Variants in FARP1 observed in about 807,000 individuals in gnomAD.
The protein encoded by FARP1 is FERM, ARH/RhoGEF and pleckstrin domain protein 1.
FARP1 carries 52 observed loss-of-function variants against 128.8 expected under a neutral mutation model. That is an observed-to-expected ratio of 0.40 (90% CI 0.32 to 0.51). The LOEUF (loss-of-function observed/expected upper bound fraction) is 0.51. FARP1 is among the 20% of genes least tolerant of loss of function. The pLI is 0.45. For synonymous variants in FARP1, 580 were observed against 551.8 expected, an observed-to-expected ratio of 1.05 and a Z score of -0.72; for missense variants, 1,333 against 1,367.9, an observed-to-expected ratio of 0.97 and a Z score of 0.40.
At chr13:98,433,077 G>A (rs892098177) in intron 18 of FARP1, 2 of 152,292 alleles carry the variant, frequency 1.3e-5, no homozygotes, top group African/African-American at 4.8e-5. Context: ...AGGTTCAGAG[G>A]GGACAGAGAC....
At chr13:98,378,562 A>G (rs1889691170) in intron 6 of FARP1, among the ~76,000 whole-genome samples, 1 of 152,190 alleles carries the variant, frequency 6.6e-6, no homozygotes, top group Admixed American at 6.5e-5. Context: ...TTAATGTATA[A>G]TAAGCACTAC....
chr13:98,278,168 A>AGTGTGTGTGTGTGTGT (rs1291047216), intron 2 of FARP1, among the ~76,000 whole-genome samples: 4 of 131,588 alleles, frequency 3.0e-5, no homozygotes, highest in African/African-American at 8.8e-5. Flanking sequence ...TGTATGAGTG[A>AGTGTGTGTGTGTGTGT]GTGAGTGTGT....
intron 1 of FARP1, among the ~76,000 whole-genome samples, chr13:98,145,642 G>A (rs371848271): frequency 1.1e-3 from 166 of 152,180 alleles, no homozygotes; most frequent in African/African-American, 3.7e-3. Context: ...AGACCGAGGC[G>A]GATCACTTGA....
chr13:98,279,679 A>T (rs1884839417), intron 2 of FARP1, among the ~76,000 whole-genome samples: 1 of 152,214 alleles, frequency 6.6e-6, no homozygotes, highest in Non-Finnish European at 1.5e-5. Context: ...GGGCCCCTGC[A>T]GCAGAGTGAC....
chr13:98,200,387 A>ACCCCCCCCCCCCCCCCCC (rs34861204), intron 1 of FARP1, among the ~76,000 whole-genome samples: 3 of 127,536 alleles, frequency 2.4e-5, no homozygotes, highest in African/African-American at 6.1e-5. Context: ...TGCAACCTTC[A>ACCCCCCCCCCCCCCCCCC]CCCCCCCCCC....
At chr13:98,355,391 G>A (rs1888600092) in intron 3 of FARP1, among the ~76,000 whole-genome samples, 1 of 152,084 alleles carries the variant, frequency 6.6e-6, no homozygotes, top group South Asian at 2.1e-4. Flanking sequence ...GTATATGAAT[G>A]TTTATATTCA....
intron 12 of FARP1, among the ~76,000 whole-genome samples, chr13:98,394,140 C>T (rs958416623): frequency 6.6e-6 from 1 of 152,158 alleles, no homozygotes; most frequent in Admixed American, 6.5e-5. Flanking sequence ...CAGAACTGGT[C>T]GGCGAGTTCC....
rs968724553 is a variant in FARP1, at chr13:98,452,937, A to C, written c.*4620A>C. 2 of 432,064 alleles carry C rather than the reference A, an allele frequency of 4.6e-6. No individual in the cohort carries two copies. The highest frequency in any genetic ancestry group is 8.2e-6 in the Non-Finnish European group (2 of 245,058). 26.8% of individuals were successfully genotyped at this position (432,064 alleles called of 1,614,324 possible). A position where few individuals can be genotyped will look rare whatever the true frequency, so the allele number is the denominator to read the frequency against. ...GTTAAAATTAAAAACAAAAGTAATA[A>C]AATAAAATAAAATGATCGCTGGAAG... On this transcript the variant is annotated 3_prime_UTR_variant, in exon 27 of 27. Coordinates refer to ENST00000319562, the MANE Select transcript of FARP1 (RefSeq NM_005766.4).
intron 2 of FARP1, among the ~76,000 whole-genome samples, chr13:98,217,638 A>G (rs768166293): frequency 1.6e-4 from 24 of 152,252 alleles, no homozygotes; most frequent in Non-Finnish European, 3.2e-4. Flanking sequence ...GGCCCTGTAC[A>G]CCGGGAGGTG....
chr13:98,388,375 CT>C lies in FARP1; in HGVS notation c.760-3del. On this transcript the variant is annotated splice_region_variant and splice_polypyrimidine_tract_variant and intron_variant, in intron 8 of 26. Coordinates refer to ENST00000319562, the MANE Select transcript of FARP1 (RefSeq NM_005766.4). ...TTCCTGGCTCACTGCTACTGTCTTTCTTTTTAGGGTTTCACTAAGATCAATG... is the reference window on the plus strand; with the variant it reads ...TTCCTGGCTCACTGCTACTGTCTTTCTTTTAGGGTTTCACTAAGATCAATG... 1 of 1,610,802 alleles carries C rather than the reference CT, an allele frequency of 6.2e-7. No individual in the cohort carries two copies. Among genetic ancestry groups the C allele is most frequent in the South Asian group, 1.1e-5 (1 of 91,004 alleles).
At chr13:98,321,006 A>G (rs1886969948) in intron 2 of FARP1, among the ~76,000 whole-genome samples, 1 of 152,200 alleles carries the variant, frequency 6.6e-6, no homozygotes, top group Non-Finnish European at 1.5e-5. Context: ...TCTGTGACTC[A>G]CGAACTGGGA....
chr13:98,438,033 G>A (rs1254628683), intron 19 of FARP1, among the ~76,000 whole-genome samples: 1 of 152,136 alleles, frequency 6.6e-6, no homozygotes, highest in Non-Finnish European at 1.5e-5. Context: ...GGCGATGGTG[G>A]GGCTACCTTG....
chr13:98,453,439 G>A lies in FARP1; in HGVS notation c.*5122G>A. On this transcript the variant is annotated 3_prime_UTR_variant, in exon 27 of 27. Transcript: ENST00000319562. ...AGCATGTCACCAAAAACCAAGAATGGGTTCAGCCTCCCTGGAGAGATGTGA... is the reference window on the plus strand; with the variant it reads ...AGCATGTCACCAAAAACCAAGAATGAGTTCAGCCTCCCTGGAGAGATGTGA... The A allele has an allele frequency of 1.7e-5, 9 of 545,028 alleles. No homozygotes were observed. Among genetic ancestry groups the A allele is most frequent in the Non-Finnish European group, 2.9e-5 (9 of 311,524 alleles). 33.8% of individuals were successfully genotyped at this position (545,028 alleles called of 1,614,324 possible).
At chr13:98,146,525 G>A (rs905994448) in intron 1 of FARP1, among the ~76,000 whole-genome samples, 1 of 152,210 alleles carries the variant, frequency 6.6e-6, no homozygotes, top group African/African-American at 2.4e-5. Flanking sequence ...ACAGAGCCTG[G>A]CCTTGCCTGA....
chr13:98,224,530 A>AG (rs1881629387), intron 2 of FARP1, among the ~76,000 whole-genome samples: 2 of 45,674 alleles, frequency 4.4e-5, no homozygotes, highest in African/African-American at 1.1e-4. Flanking sequence ...CTGTCTCAAA[A>AG]AAAAAAAAAA....
intron 2 of FARP1, among the ~76,000 whole-genome samples, chr13:98,282,919 T>A (rs1055185606): frequency 9.9e-5 from 15 of 151,980 alleles, no homozygotes; most frequent in African/African-American, 2.9e-4. Flanking sequence ...TAAAAAAAAA[T>A]AAAAAATTTT....
chr13:98,272,236 G>A (rs1233498436), intron 2 of FARP1, among the ~76,000 whole-genome samples: 1 of 151,980 alleles, frequency 6.6e-6, no homozygotes, highest in Non-Finnish European at 1.5e-5. Flanking sequence ...CACCATGTTG[G>A]CCAGGCTTGC....
chr13:98,300,275 C>T (rs1407075353), intron 2 of FARP1, among the ~76,000 whole-genome samples: 1 of 152,204 alleles, frequency 6.6e-6, no homozygotes, highest in Non-Finnish European at 1.5e-5. Flanking sequence ...GACAGGCTTT[C>T]ACGTTAGTCA....
At chr13:98,316,924 C>A (rs79247679) in intron 2 of FARP1, among the ~76,000 whole-genome samples, 2,339 of 152,280 alleles carry the variant, frequency 0.015, 60 homozygotes, top group African/African-American at 0.051. Context: ...TTTGGTTACA[C>A]GTTCTCAGTA....
Sources: allele counts gnomAD v4.1 joint callset (sites outside exome capture counted in the v4.1 genomes callset), GRCh38; gene constraint gnomAD v4.1.1; transcripts MANE v1.5; gene names NCBI Gene and HGNC (gene_info 2026-07-23, HGNC 2026-07-21).